RFC3: variants seen among roughly 807,000 people sequenced by gnomAD.
The protein encoded by RFC3 is replication factor C subunit 3.
Under a neutral mutation model 45.1 loss-of-function variants are expected in RFC3, and 41 were observed. That is an observed-to-expected ratio of 0.91 (90% CI 0.71 to 1.18). RFC3 has a LOEUF of 1.18. RFC3 is among the 50% of genes most tolerant of loss of function. RFC3 has a pLI of 0.00. For synonymous variants in RFC3, 149 were observed against 144.0 expected (o/e 1.03, Z -0.25); for missense variants, 423 against 428.1 (o/e 0.99, Z 0.10).
the RFC3 span, among the ~76,000 whole-genome samples, chr13:33,972,554 A>G: frequency 6.5e-4 from 99 of 152,278 alleles, 1 homozygote; most frequent in Admixed American, 5.8e-3. Context: ...GAAGCTTTTC[A>G]TTTCTACTTG....
intron 8 of RFC3, among the ~76,000 whole-genome samples, chr13:33,888,786 C>G (rs1211947795): frequency 6.7e-6 from 1 of 148,888 alleles, no homozygotes; most frequent in African/African-American, 2.5e-5. Flanking sequence ...TGCTCTTTCA[C>G]CCAGGCTGGA....
chr13:33,975,956 A>T, the RFC3 span, among the ~76,000 whole-genome samples: 13 of 152,230 alleles, frequency 8.5e-5, no homozygotes, highest in Admixed American at 5.9e-4. Context: ...ATTATTCTCT[A>T]ATAAAATGAA....
chr13:33,867,641 A>C (rs537356204), intron 8 of RFC3, among the ~76,000 whole-genome samples: 4 of 152,286 alleles, frequency 2.6e-5, no homozygotes, highest in African/African-American at 9.6e-5. Flanking sequence ...TTAATGAAAA[A>C]TTACAGCTGC....
intron 8 of RFC3, among the ~76,000 whole-genome samples, chr13:33,899,204 CAAAAAAAAAAAAAA>C (rs59221382): frequency 5.0e-4 from 26 of 51,974 alleles, no homozygotes; most frequent in Middle Eastern, 0.059. Flanking sequence ...CACAATAAGA[CAAAAAAAAAAAAAA>C]AAAAAAAAAA....
intron 8 of RFC3, among the ~76,000 whole-genome samples, chr13:33,912,504 T>C (rs2082709390): frequency 6.6e-6 from 1 of 152,098 alleles, no homozygotes; most frequent in Admixed American, 6.6e-5. Context: ...GAACTGGTAG[T>C]TAGGCAAAGG....
chr13:33,854,722 A>G (rs1048582065), intron 8 of RFC3, among the ~76,000 whole-genome samples: 2 of 152,132 alleles, frequency 1.3e-5, no homozygotes, highest in African/African-American at 4.8e-5. Context: ...AAAACCTAAG[A>G]TTCTATGGGA....
intron 8 of RFC3, among the ~76,000 whole-genome samples, chr13:33,843,504 A>G (rs1463596873): frequency 6.6e-6 from 1 of 152,214 alleles, no homozygotes; most frequent in Non-Finnish European, 1.5e-5. Flanking sequence ...CAGAAACTTA[A>G]GCAACTTCCT....
chr13:33,886,613 T>C (rs1461726474), intron 8 of RFC3, among the ~76,000 whole-genome samples: 1 of 151,632 alleles, frequency 6.6e-6, no homozygotes, highest in Non-Finnish European at 1.5e-5. Context: ...TTCTTGCATC[T>C]GAAAGCATCC....
At chr13:33,842,030 C>A (rs1234429322), downstream of RFC3, among the ~76,000 whole-genome samples, 4 of 152,104 alleles carry the variant, frequency 2.6e-5, no homozygotes, top group Non-Finnish European at 5.9e-5. Flanking sequence ...GCCTGTAATT[C>A]CAGCACTTTG....
At chr13:33,967,809 G>C (rs111755235), downstream of RFC3, among the ~76,000 whole-genome samples, 33 of 1,254 alleles carry the variant, frequency 0.026, no homozygotes, top group Middle Eastern at 0.5. Context: ...CTTAAACTTG[G>C]TTTAAACAAG....
At chr13:33,853,444 G>A (rs921923497) in intron 8 of RFC3, among the ~76,000 whole-genome samples, 2 of 152,144 alleles carry the variant, frequency 1.3e-5, no homozygotes, top group African/African-American at 4.8e-5. Context: ...ATATCAAAGT[G>A]TTCTGTGCCT....
chr13:33,859,194 T>C (rs2082325334), intron 8 of RFC3, among the ~76,000 whole-genome samples: 1 of 152,158 alleles, frequency 6.6e-6, no homozygotes, highest in African/African-American at 2.4e-5. Flanking sequence ...CAAAACTCCA[T>C]TATAAAACTC....
chr13:33,964,583 A>G (rs1437141761), intron 8 of RFC3, among the ~76,000 whole-genome samples: 1 of 152,154 alleles, frequency 6.6e-6, no homozygotes, highest in African/African-American at 2.4e-5. Flanking sequence ...GACAAAACAC[A>G]TTTTCCCCTA....
intron 8 of RFC3, among the ~76,000 whole-genome samples, chr13:33,945,741 C>G (rs1469263488): frequency 6.6e-6 from 1 of 152,206 alleles, no homozygotes; most frequent in East Asian, 1.9e-4. Flanking sequence ...AGTTCACGCT[C>G]AGATGAACCT....
chr13:33,856,235 A>G (rs2082308183), intron 8 of RFC3, among the ~76,000 whole-genome samples: 1 of 152,208 alleles, frequency 6.6e-6, no homozygotes, highest in African/African-American at 2.4e-5. Flanking sequence ...TAATTCAGGA[A>G]CAGAAAACCA....
At chr13:33,947,102 T>C (rs995484401) in intron 8 of RFC3, among the ~76,000 whole-genome samples, 1 of 152,222 alleles carries the variant, frequency 6.6e-6, no homozygotes, top group Non-Finnish European at 1.5e-5. Context: ...TAATGCAACA[T>C]ACATGTTGAT....
intron 8 of RFC3, among the ~76,000 whole-genome samples, chr13:33,863,737 T>TTG (rs1165436585): frequency 6.6e-6 from 1 of 152,224 alleles, no homozygotes; most frequent in Non-Finnish European, 1.5e-5. Flanking sequence ...TCCAGATTTG[T>TTG]TACTGCCCTG....
intron 8 of RFC3, among the ~76,000 whole-genome samples, chr13:33,911,329 A>G (rs17080133): frequency 0.03 from 4,632 of 152,148 alleles, 224 homozygotes; most frequent in African/African-American, 0.1. Context: ...TGTAGGAGGC[A>G]AGAGTTTATG....
At chr13:33,854,579 G>A (rs142763461) in intron 8 of RFC3, among the ~76,000 whole-genome samples, 1 of 152,154 alleles carries the variant, frequency 6.6e-6, no homozygotes, top group Non-Finnish European at 1.5e-5. Flanking sequence ...TGGGTTTCAT[G>A]TCCCAAGTAG....
Sources: allele counts gnomAD v4.1 joint callset (sites outside exome capture counted in the v4.1 genomes callset), GRCh38; gene constraint gnomAD v4.1.1; transcripts MANE v1.5; gene names NCBI Gene and HGNC (gene_info 2026-07-23, HGNC 2026-07-21).